The following EPHA6 variants were observed in gnomAD, a reference collection of about 807,000 sequenced individuals.
EPHA6 encodes the protein ephrin type-A receptor 6.
In EPHA6, 50 loss-of-function variants were observed where a neutral mutation model predicts 112.0. The ratio of observed to expected loss-of-function variants is 0.45; its 90% CI spans 0.36 to 0.56. EPHA6 has a LOEUF of 0.56. EPHA6 is among the 20% of genes least tolerant of loss of function. EPHA6 has a pLI of 0.00. For synonymous variants in EPHA6, 529 were observed against 490.7 expected, an observed-to-expected ratio of 1.08 and a Z score of -1.03; for missense variants, 1,280 against 1,417.4, an observed-to-expected ratio of 0.90 and a Z score of 1.56.
chr3:97,073,306 G>A (rs1423689445), intron 3 of EPHA6, among the ~76,000 whole-genome samples: 7 of 152,164 alleles, frequency 4.6e-5, no homozygotes, highest in East Asian at 1.9e-4. Flanking sequence ...TCAATGCCAC[G>A]TGAAATGAAA....
chr3:96,910,058 A>C (rs1032221558), intron 2 of EPHA6, among the ~76,000 whole-genome samples: 3 of 152,022 alleles, frequency 2.0e-5, no homozygotes, highest in Non-Finnish European at 4.4e-5. Flanking sequence ...ATGCCAATAA[A>C]GTCTTTCTTA....
intron 1 of EPHA6, among the ~76,000 whole-genome samples, chr3:96,826,238 A>C (rs1325689829): frequency 6.6e-6 from 1 of 151,986 alleles, no homozygotes; most frequent in African/African-American, 2.4e-5. Context: ...TCAGAATCTG[A>C]CTTATAACCA....
intron 10 of EPHA6, among the ~76,000 whole-genome samples, chr3:97,527,742 G>A (rs2092640868): frequency 6.6e-6 from 1 of 152,052 alleles, no homozygotes; most frequent in South Asian, 2.1e-4. Context: ...AAGAGGGCAG[G>A]GTACTCGTCG....
intron 10 of EPHA6, among the ~76,000 whole-genome samples, chr3:97,492,308 C>G (rs554433969): frequency 6.6e-6 from 1 of 151,284 alleles, no homozygotes; most frequent in Non-Finnish European, 1.5e-5. Flanking sequence ...TTTGGGAGGC[C>G]GAGGCGTGCA....
rs557438133 is a variant in EPHA6 at position 97,579,740 on chromosome 3, G to A, written c.2387-12872G>A. On this transcript the variant is annotated intron_variant, in intron 11 of 17. Coordinates refer to ENST00000389672, the MANE Select transcript of EPHA6 (RefSeq NM_001080448.3). ...TTTTGTAAGTCAAATATAAACAAAA[G>A]AGCATCACTATCCTCTAGATTCTGA... Among the ~76,000 whole-genome samples the A allele has an allele frequency of 8.8e-4, 134 of 152,286 alleles. 2 individuals are homozygous for A. The East Asian group carries it at 0.024, about 28-fold the overall frequency.
At chr3:97,267,365 A>G (rs2079721453) in intron 5 of EPHA6, among the ~76,000 whole-genome samples, 1 of 152,058 alleles carries the variant, frequency 6.6e-6, no homozygotes, top group South Asian at 2.1e-4. Flanking sequence ...CTATAATCCA[A>G]TTTAATATCT....
At chr3:96,869,951 G>A (rs2036544219) in intron 2 of EPHA6, among the ~76,000 whole-genome samples, 1 of 151,960 alleles carries the variant, frequency 6.6e-6, no homozygotes, top group African/African-American at 2.4e-5. Context: ...TAATTTTTGT[G>A]TGCTCTGACT....
intron 3 of EPHA6, among the ~76,000 whole-genome samples, chr3:97,016,838 C>A (rs977023630): frequency 9.9e-5 from 15 of 152,096 alleles, no homozygotes; most frequent in African/African-American, 3.6e-4. Context: ...CTCTTTAATT[C>A]AATATGATTA....
At chr3:97,374,760 T>C (rs149017525) in intron 5 of EPHA6, among the ~76,000 whole-genome samples, 1 of 152,236 alleles carries the variant, frequency 6.6e-6, no homozygotes, top group Non-Finnish European at 1.5e-5. Context: ...AAGAATAAAA[T>C]TATGTCCTTT....
chr3:97,730,733 G>A (rs940624344), intron 15 of EPHA6, among the ~76,000 whole-genome samples: 8 of 152,088 alleles, frequency 5.3e-5, no homozygotes, highest in Non-Finnish European at 1.0e-4. Flanking sequence ...GATTTCTCAA[G>A]CTTCTCTGAA....
chr3:97,424,528 T>C (rs541258784), intron 6 of EPHA6, among the ~76,000 whole-genome samples: 258 of 152,128 alleles, frequency 1.7e-3, no homozygotes, highest in African/African-American at 6.0e-3. Flanking sequence ...TTAGTGGCCA[T>C]GCTTGGTGGT....
intron 11 of EPHA6, among the ~76,000 whole-genome samples, chr3:97,581,435 C>T (rs1343218339): frequency 6.6e-6 from 1 of 152,144 alleles, no homozygotes; most frequent in East Asian, 1.9e-4. Flanking sequence ...ATGCAACATG[C>T]CATGCCAAGT....
At chr3:97,111,268 T>C (rs1170661499) in intron 3 of EPHA6, among the ~76,000 whole-genome samples, 1 of 152,218 alleles carries the variant, frequency 6.6e-6, no homozygotes, top group Non-Finnish European at 1.5e-5. Flanking sequence ...CTTCATTGCA[T>C]ATTATAAAAT....
At chr3:97,560,020 G>C (rs895530463) in intron 11 of EPHA6, among the ~76,000 whole-genome samples, 1 of 151,272 alleles carries the variant, frequency 6.6e-6, no homozygotes, top group African/African-American at 2.4e-5. Context: ...ATAAGAACAG[G>C]TTGCCATTAA....
intron 3 of EPHA6, among the ~76,000 whole-genome samples, chr3:97,002,087 T>C (rs573109650): frequency 1.4e-4 from 21 of 152,122 alleles, no homozygotes; most frequent in African/African-American, 5.1e-4. Flanking sequence ...TAAACTACTC[T>C]TCAGGATTGG....
At chr3:96,975,816 G>A (rs2107798759) in intron 2 of EPHA6, among the ~76,000 whole-genome samples, 1 of 152,192 alleles carries the variant, frequency 6.6e-6, no homozygotes, top group South Asian at 2.1e-4. Context: ...ACTCATATAG[G>A]TCATGAAAAC....
intron 11 of EPHA6, among the ~76,000 whole-genome samples, chr3:97,540,997 T>C (rs1031944563): frequency 1.3e-5 from 2 of 152,140 alleles, no homozygotes; most frequent in South Asian, 4.1e-4. Context: ...GGCTGCAGGA[T>C]AAGGCAATCA....
chr3:97,746,733 G>A (rs1486358983), intron 16 of EPHA6, among the ~76,000 whole-genome samples: 2 of 151,782 alleles, frequency 1.3e-5, no homozygotes, highest in African/African-American at 4.8e-5. Context: ...CCATTTTCTT[G>A]TTAACCCAAC....
chr3:97,564,517 G>T (rs1345744878), intron 11 of EPHA6, among the ~76,000 whole-genome samples: 1 of 152,044 alleles, frequency 6.6e-6, no homozygotes, highest in Non-Finnish European at 1.5e-5. Flanking sequence ...CATTTTAGAT[G>T]CTAAATTAAA....
Sources: allele counts gnomAD v4.1 joint callset (sites outside exome capture counted in the v4.1 genomes callset), GRCh38; gene constraint gnomAD v4.1.1; transcripts MANE v1.5; gene names NCBI Gene and HGNC (gene_info 2026-07-23, HGNC 2026-07-21).